Variants in RASAL2 observed in about 807,000 individuals in gnomAD.
RASAL2 encodes RAS protein activator like 2.
In RASAL2, 58 loss-of-function variants were observed where a neutral mutation model predicts 128.9. The observed-to-expected ratio is 0.45, with a 90% CI of 0.36 to 0.56. The LOEUF is 0.56. RASAL2 is among the 20% of genes least tolerant of loss of function. The pLI, the probability that RASAL2 is intolerant of heterozygous loss-of-function variation, is 0.00. For missense variants in RASAL2, 1,360 were observed against 1,601.6 expected, an observed-to-expected ratio of 0.85 and a Z score of 2.57; for synonymous variants, 561 against 580.8, an observed-to-expected ratio of 0.97 and a Z score of 0.49.
At chr1:178,224,889 A>T (rs959704277) in intron 1 of RASAL2, among the ~76,000 whole-genome samples, 17 of 152,152 alleles carry the variant, frequency 1.1e-4, no homozygotes, top group Non-Finnish European at 2.4e-4. Context: ...TAAACTTTTT[A>T]AAAGACTTTT....
intron 1 of RASAL2, among the ~76,000 whole-genome samples, chr1:178,192,058 A>G (rs1396985241): frequency 6.6e-6 from 1 of 152,168 alleles, no homozygotes; most frequent in Non-Finnish European, 1.5e-5. Context: ...GAGCATATGG[A>G]CCTAAATAAA....
intron 3 of RASAL2, among the ~76,000 whole-genome samples, chr1:178,351,183 A>G (rs147680378): frequency 2.6e-5 from 4 of 152,152 alleles, no homozygotes; most frequent in African/African-American, 7.2e-5. Context: ...ACCAGGCTCC[A>G]TTTCCCGCAT....
At chr1:178,102,778 T>C (rs552823379) in intron 1 of RASAL2, among the ~76,000 whole-genome samples, 146 of 152,332 alleles carry the variant, frequency 9.6e-4, no homozygotes, top group South Asian at 2.5e-3. Flanking sequence ...AGCTCTCTCT[T>C]ACTCTTCCTC....
At chr1:178,365,032 CAT>C (rs1671325760) in intron 3 of RASAL2, among the ~76,000 whole-genome samples, 1 of 151,482 alleles carries the variant, frequency 6.6e-6, no homozygotes, top group South Asian at 2.1e-4. Flanking sequence ...CTGTTGAGCA[CAT>C]GTTTTATAAT....
intron 3 of RASAL2, among the ~76,000 whole-genome samples, chr1:178,333,914 G>GA: frequency 6.6e-6 from 1 of 152,276 alleles, no homozygotes; most frequent in African/African-American, 2.4e-5. Context: ...ATTGCCAAGA[G>GA]AAAATATGTT....
chr1:178,139,236 C>G (rs1028412907), intron 1 of RASAL2, among the ~76,000 whole-genome samples: 7 of 151,984 alleles, frequency 4.6e-5, no homozygotes, highest in Admixed American at 4.6e-4. Flanking sequence ...TATATACTTT[C>G]TGTTTAGATT....
chr1:178,230,223 G>A (rs556870382), intron 1 of RASAL2, among the ~76,000 whole-genome samples: 6 of 152,038 alleles, frequency 3.9e-5, no homozygotes, highest in East Asian at 1.9e-4. Context: ...CATTTGGGTC[G>A]TTTTATTTTA....
chr1:178,336,824 A>G (rs1459089523), intron 3 of RASAL2, among the ~76,000 whole-genome samples: 1 of 152,036 alleles, frequency 6.6e-6, no homozygotes, highest in Non-Finnish European at 1.5e-5. Flanking sequence ...GTTGCTTTTC[A>G]TTGTTTATTC....
At chr1:178,298,639 T>A (rs1030895245) in intron 2 of RASAL2, among the ~76,000 whole-genome samples, 1 of 152,202 alleles carries the variant, frequency 6.6e-6, no homozygotes, top group Non-Finnish European at 1.5e-5. Flanking sequence ...TTATAATCAT[T>A]TGAAGAAATA....
intron 17 of RASAL2, among the ~76,000 whole-genome samples, chr1:178,472,838 A>G (rs1373197009): frequency 6.6e-6 from 1 of 152,222 alleles, no homozygotes; most frequent in Non-Finnish European, 1.5e-5. Flanking sequence ...GATTGTTAAT[A>G]AAAAGTCCTG....
chr1:178,247,544 A>G (rs1049111064), intron 1 of RASAL2, among the ~76,000 whole-genome samples: 4 of 152,060 alleles, frequency 2.6e-5, no homozygotes, highest in Non-Finnish European at 2.9e-5. Context: ...TATTTTTTGA[A>G]GAGTTTTTCG....
At chr1:178,389,168 TG>T in intron 3 of RASAL2, 1 of 514,784 alleles carries the variant, frequency 1.9e-6, no homozygotes, top group Non-Finnish European at 2.5e-6. Context: ...TTCTAAGATC[TG>T]GAAGATAACA....
At chr1:178,427,632 C>G (rs1675595660) in intron 5 of RASAL2, among the ~76,000 whole-genome samples, 1 of 152,062 alleles carries the variant, frequency 6.6e-6, no homozygotes, top group South Asian at 2.1e-4. Flanking sequence ...AAAAATAGTA[C>G]ATACAGTTCT....
At chr1:178,470,723 G>C in intron 17 of RASAL2, 2 of 1,365,848 alleles carry the variant, frequency 1.5e-6, no homozygotes, top group Non-Finnish European at 2.0e-6. Context: ...TATTCAAACA[G>C]GCAAGTAAAC....
At chr1:178,223,874 G>T (rs1663699814) in intron 1 of RASAL2, among the ~76,000 whole-genome samples, 1 of 152,134 alleles carries the variant, frequency 6.6e-6, no homozygotes, top group African/African-American at 2.4e-5. Flanking sequence ...AAGGTTTGGG[G>T]CTTGTATAGC....
At chr1:178,149,648 T>G (rs1305442076) in intron 1 of RASAL2, among the ~76,000 whole-genome samples, 2 of 152,070 alleles carry the variant, frequency 1.3e-5, no homozygotes, top group African/African-American at 2.4e-5. Flanking sequence ...AGAAAGAATA[T>G]TCTTTCTTCT....
At chr1:178,430,907 T>TACACACACACACACACACACAC (rs71297897) in intron 5 of RASAL2, among the ~76,000 whole-genome samples, 2 of 134,062 alleles carry the variant, frequency 1.5e-5, no homozygotes, top group African/African-American at 5.3e-5. Flanking sequence ...GGCAAAAAAG[T>TACACACACACACACACACACAC]ACACACACAC....
intron 1 of RASAL2, among the ~76,000 whole-genome samples, chr1:178,196,966 T>G (rs550946644): frequency 5.9e-5 from 9 of 152,332 alleles, no homozygotes; most frequent in African/African-American, 1.9e-4. Flanking sequence ...CATTTTTATC[T>G]CATGGGACTG....
intron 1 of RASAL2, among the ~76,000 whole-genome samples, chr1:178,192,253 T>C (rs1662519979): frequency 6.6e-6 from 1 of 152,204 alleles, no homozygotes; most frequent in African/African-American, 2.4e-5. Flanking sequence ...TATCTTGTTA[T>C]ACTACTTTTA....
Sources: gnomAD v4.1 joint callset for allele counts (sites outside exome capture counted in the v4.1 genomes callset) on GRCh38, gnomAD v4.1.1 for gene constraint, MANE v1.5 for transcripts, NCBI Gene and HGNC (gene_info 2026-07-23, HGNC 2026-07-21) for gene names.